The following PDK1 variants were observed in gnomAD, a reference collection of about 807,000 sequenced individuals.
PDK1 encodes pyruvate dehydrogenase kinase 1.
PDK1 carries 39 observed loss-of-function variants against 54.2 expected under a neutral mutation model. That is an observed-to-expected ratio of 0.72 (90% CI 0.56 to 0.94). PDK1 has a LOEUF of 0.94. PDK1 is among the 40% of genes least tolerant of loss of function. The pLI, the probability that PDK1 is intolerant of heterozygous loss-of-function variation, is 0.00. For synonymous variants in PDK1, 221 were observed against 207.1 expected (o/e 1.07, Z -0.58); for missense variants, 552 against 566.0 (o/e 0.98, Z 0.25).
chr2:172,562,795 G>A (rs1230870695), intron 3 of PDK1: 1 of 1,611,872 alleles, frequency 6.2e-7, no homozygotes. Context: ...TGGCCTGCAA[G>A]ATGATGTAAG....
the PDK1 span, among the ~76,000 whole-genome samples, chr2:172,638,901 T>G: frequency 6.6e-6 from 1 of 152,178 alleles, no homozygotes; most frequent in Non-Finnish European, 1.5e-5. Context: ...CATATCAAGA[T>G]GAAGGTAAAA....
At chr2:172,644,869 C>T in the PDK1 span, among the ~76,000 whole-genome samples, 14 of 150,634 alleles carry the variant, frequency 9.3e-5, no homozygotes, top group Admixed American at 7.9e-4. Context: ...AGGTTTAAAT[C>T]CTAACTTTGC....
At chr2:172,678,102 G>A in the PDK1 span, among the ~76,000 whole-genome samples, 3 of 152,168 alleles carry the variant, frequency 2.0e-5, no homozygotes, top group Admixed American at 6.5e-5. Context: ...CCCAGAAGAC[G>A]GAGGTTGCAG....
At chr2:172,712,781 T>A in the PDK1 span, among the ~76,000 whole-genome samples, 2 of 151,616 alleles carry the variant, frequency 1.3e-5, no homozygotes, top group African/African-American at 2.4e-5. Flanking sequence ...CAAGCAGGGG[T>A]GGAGGGTGTG....
At chr2:172,638,036 A>T in the PDK1 span, among the ~76,000 whole-genome samples, 3 of 152,128 alleles carry the variant, frequency 2.0e-5, no homozygotes, top group East Asian at 5.8e-4. Flanking sequence ...GGAAGCTGAT[A>T]AAAACCAATA....
At chr2:172,693,430 T>C in the PDK1 span, among the ~76,000 whole-genome samples, 1 of 152,242 alleles carries the variant, frequency 6.6e-6, no homozygotes, top group African/African-American at 2.4e-5. Flanking sequence ...TATGCTTTTG[T>C]TTTCTTCTCT....
chr2:172,612,834 A>G (rs1180365360), downstream of PDK1, among the ~76,000 whole-genome samples: 1 of 151,968 alleles, frequency 6.6e-6, no homozygotes, highest in Admixed American at 6.6e-5. Flanking sequence ...TAATTTTTGT[A>G]TTTTTAGTGG....
the PDK1 span, among the ~76,000 whole-genome samples, chr2:172,635,073 G>T: frequency 2.0e-5 from 3 of 152,062 alleles, no homozygotes; most frequent in African/African-American, 7.2e-5. Flanking sequence ...CACTATATGT[G>T]TTTAAGTCTA....
At chr2:172,720,707 A>G in the PDK1 span, among the ~76,000 whole-genome samples, 5 of 152,172 alleles carry the variant, frequency 3.3e-5, no homozygotes, top group Non-Finnish European at 7.3e-5. Context: ...TGCTCTTCCA[A>G]TAATGACAAG....
At chr2:172,587,873 C>T (rs1449730212) in intron 9 of PDK1, among the ~76,000 whole-genome samples, 1 of 152,132 alleles carries the variant, frequency 6.6e-6, no homozygotes, top group Non-Finnish European at 1.5e-5. Flanking sequence ...AAAAGTTCTC[C>T]AAGTCCCCAC....
chr2:172,687,392 A>G, the PDK1 span, among the ~76,000 whole-genome samples: 5 of 152,122 alleles, frequency 3.3e-5, no homozygotes, highest in South Asian at 6.2e-4. Context: ...TAAATGCATC[A>G]CAAATCCTTC....
chr2:172,623,661 C>A, the PDK1 span, among the ~76,000 whole-genome samples: 6 of 152,262 alleles, frequency 3.9e-5, no homozygotes, highest in Non-Finnish European at 8.8e-5. Flanking sequence ...ACAAATTTTA[C>A]ACTAAACTTA....
chr2:172,611,398 A>G (rs964415418), downstream of PDK1, among the ~76,000 whole-genome samples: 3 of 152,230 alleles, frequency 2.0e-5, no homozygotes, highest in African/African-American at 7.2e-5. Context: ...TAAAACTTCA[A>G]AAAAGGAATC....
the PDK1 span, among the ~76,000 whole-genome samples, chr2:172,675,160 TCA>T: frequency 1.3e-5 from 2 of 152,154 alleles, no homozygotes; most frequent in Non-Finnish European, 2.9e-5. Flanking sequence ...CTTCTCTCTC[TCA>T]CTCTCTCTCT....
chr2:172,624,942 C>T, the PDK1 span, among the ~76,000 whole-genome samples: 2 of 151,522 alleles, frequency 1.3e-5, no homozygotes, highest in Admixed American at 6.6e-5. Flanking sequence ...GAGCCGAGAT[C>T]GCACCATTGC....
intron 3 of PDK1, chr2:172,562,885 A>G (rs1179333185): frequency 8.8e-6 from 11 of 1,255,190 alleles, no homozygotes; most frequent in African/African-American, 1.5e-5. Context: ...TGCTTATTGC[A>G]GTGAAGGGTA....
At chr2:172,611,993 C>T (rs983167998), downstream of PDK1, among the ~76,000 whole-genome samples, 3 of 152,208 alleles carry the variant, frequency 2.0e-5, no homozygotes, top group African/African-American at 4.8e-5. Context: ...AAAAGAAATA[C>T]ATGGCTAGAA....
the PDK1 span, among the ~76,000 whole-genome samples, chr2:172,684,859 C>G: frequency 6.6e-6 from 1 of 152,160 alleles, no homozygotes; most frequent in Non-Finnish European, 1.5e-5. Flanking sequence ...CTCCATGTCC[C>G]TATCCAAATC....
intron 8 of PDK1, among the ~76,000 whole-genome samples, chr2:172,580,268 T>TAAAAAAAA (rs1689831147): frequency 6.8e-6 from 1 of 146,802 alleles, no homozygotes; most frequent in South Asian, 2.1e-4. Flanking sequence ...GCTCAGATGC[T>TAAAAAAAA]AATGTGTCTA....
Sources: allele counts gnomAD v4.1 joint callset (sites outside exome capture counted in the v4.1 genomes callset), GRCh38; gene constraint gnomAD v4.1.1; transcripts MANE v1.5; gene names NCBI Gene and HGNC (gene_info 2026-07-23, HGNC 2026-07-21).